DNAH14: variants seen among roughly 807,000 people sequenced by gnomAD.
The protein encoded by DNAH14 is dynein axonemal heavy chain 14.
DNAH14 carries 478 observed loss-of-function variants against 520.9 expected under a neutral mutation model. The ratio of observed to expected loss-of-function variants is 0.92; its 90% confidence interval spans 0.85 to 0.99. DNAH14 has a LOEUF of 0.99. DNAH14 is among the 50% of genes least tolerant of loss of function. DNAH14 has a pLI of 0.00. For missense variants in DNAH14, 4,831 were observed against 5,234.5 expected, an observed-to-expected ratio of 0.92 and a Z score of 2.38; for synonymous variants, 1,581 against 1,757.2, an observed-to-expected ratio of 0.90 and a Z score of 2.51.
intron 55 of DNAH14, among the ~76,000 whole-genome samples, chr1:225,290,312 G>A (rs1297501698): frequency 6.6e-6 from 1 of 151,626 alleles, no homozygotes; most frequent in Non-Finnish European, 1.5e-5. Context: ...TTTCAATAAA[G>A]GTATTTTCTA....
chr1:225,360,399 AACAACACTGGGGT>A (rs540021703), intron 74 of DNAH14, among the ~76,000 whole-genome samples: 127 of 152,338 alleles, frequency 8.3e-4, no homozygotes, highest in African/African-American at 2.9e-3. Flanking sequence ...AGCCATCTCG[AACAACACTGGGGT>A]ACAGCTACAG....
At chr1:225,368,157 G>A (rs1003177827) in intron 77 of DNAH14, 125 bp downstream of exon 77, 3 of 783,428 alleles carry the variant, frequency 3.8e-6, no homozygotes, top group Non-Finnish European at 5.9e-6. Context: ...TCTATAACTA[G>A]GCAATAAGGG....
intron 27 of DNAH14, among the ~76,000 whole-genome samples, chr1:225,129,662 T>C (rs2078167421): frequency 6.6e-6 from 1 of 151,788 alleles, no homozygotes; most frequent in Admixed American, 6.6e-5. Flanking sequence ...TATACAAAAA[T>C]TAATTCAAGA....
chr1:225,153,972 A>G (rs990497680), intron 34 of DNAH14, 146 bp downstream of exon 34: 6 of 526,266 alleles, frequency 1.1e-5, no homozygotes, highest in Non-Finnish European at 1.9e-5. Context: ...ATTTAAGAAT[A>G]TGAAAGAAGA....
At chr1:225,079,914 C>G (rs145469043) in intron 18 of DNAH14, among the ~76,000 whole-genome samples, 1 of 152,046 alleles carries the variant, frequency 6.6e-6, no homozygotes, top group African/African-American at 2.4e-5. Flanking sequence ...ACCTCGTGAT[C>G]CACTCGCCTC....
In DNAH14 at chr1:225,117,658, A is replaced by G. The variant is rs1008109371; in HGVS notation, c.3868-26A>G. ...TATCATAATTAAGCATATATTCTGA[A>G]TTGCATTTCTTTTGATTCTGGACAG... On this transcript the variant is annotated intron_variant, in intron 23 of 85. Coordinates refer to ENST00000682510, the MANE Select transcript of DNAH14 (RefSeq NM_001367479.1). 11 of 1,381,236 alleles carry G rather than the reference A, an allele frequency of 8.0e-6. No homozygotes were observed. The African/African-American group carries it at 1.6e-4, about 20-fold the overall frequency. The allele number at this position is 1,381,236 out of a possible 1,614,324, so 85.6% of individuals were successfully genotyped here. A position where few individuals can be genotyped will look rare whatever the true frequency, so the allele number is the denominator to read the frequency against.
chr1:225,300,538 G>T (rs566017821), intron 55 of DNAH14, among the ~76,000 whole-genome samples: 1 of 152,124 alleles, frequency 6.6e-6, no homozygotes, highest in African/African-American at 2.4e-5. Context: ...GTCACTACAA[G>T]AATATTTTAA....
chr1:224,971,047 CAG>C (rs778205701), intron 7 of DNAH14, among the ~76,000 whole-genome samples: 3 of 151,984 alleles, frequency 2.0e-5, no homozygotes, highest in South Asian at 2.1e-4. Context: ...GAAAATAAAA[CAG>C]AGTAAGGGAG....
chr1:225,073,685 T>A (rs2071839572), intron 17 of DNAH14, among the ~76,000 whole-genome samples: 2 of 151,984 alleles, frequency 1.3e-5, no homozygotes, highest in African/African-American at 2.4e-5. Flanking sequence ...TTGTTTGTTT[T>A]TGTTTTTGTT....
chr1:224,946,137 C>T (rs2059810424), intron 1 of DNAH14, among the ~76,000 whole-genome samples: 2 of 152,188 alleles, frequency 1.3e-5, no homozygotes, highest in Admixed American at 1.3e-4. Flanking sequence ...GTGGTGGGCT[C>T]CACCTAGTGG....
At chr1:225,070,806 TTTC>T (rs2071463390) in intron 17 of DNAH14, among the ~76,000 whole-genome samples, 2 of 152,192 alleles carry the variant, frequency 1.3e-5, no homozygotes, top group Admixed American at 6.5e-5. Context: ...GGTGTTAAAG[TTTC>T]CCACTATTAT....
intron 41 of DNAH14, among the ~76,000 whole-genome samples, chr1:225,226,677 G>C (rs930115068): frequency 2.0e-5 from 3 of 152,194 alleles, no homozygotes; most frequent in Non-Finnish European, 4.4e-5. Flanking sequence ...AAAGAAATAA[G>C]ACAGAGACAA....
At chr1:225,324,146 T>G (rs1275956422) in intron 62 of DNAH14, 76 bp from the exon 63 acceptor site, 5 of 1,491,342 alleles carry the variant, frequency 3.4e-6, no homozygotes, top group Non-Finnish European at 4.5e-6. Context: ...AAAATTTCAA[T>G]CTAGTGTAGA....
intron 34 of DNAH14, among the ~76,000 whole-genome samples, chr1:225,156,432 G>T (rs1459301064): frequency 6.6e-6 from 1 of 152,138 alleles, no homozygotes; most frequent in Non-Finnish European, 1.5e-5. Context: ...GCTTCTGGTG[G>T]TTGCCTGCAT....
At chr1:225,357,113 A>C (rs189007455) in intron 73 of DNAH14, among the ~76,000 whole-genome samples, 1 of 152,296 alleles carries the variant, frequency 6.6e-6, no homozygotes, top group East Asian at 1.9e-4. Flanking sequence ...GAGTTCCATG[A>C]AGGCAAGGAC....
At chr1:225,285,712 C>T (rs2093724436) in intron 54 of DNAH14, among the ~76,000 whole-genome samples, 3 of 151,910 alleles carry the variant, frequency 2.0e-5, no homozygotes. Flanking sequence ...AAAAATTTAG[C>T]CAGGTATGGT....
chr1:225,193,696 C>G (rs2085743634), intron 38 of DNAH14, among the ~76,000 whole-genome samples: 1 of 152,048 alleles, frequency 6.6e-6, no homozygotes. Flanking sequence ...CAATTCCTAG[C>G]CAGAGCAATC....
chr1:224,933,136 A>C (rs554275326), intron 1 of DNAH14, among the ~76,000 whole-genome samples: 16 of 152,118 alleles, frequency 1.1e-4, no homozygotes, highest in African/African-American at 3.6e-4. Context: ...CTATGTAGAG[A>C]TCTTTTACCT....
chr1:225,388,873 T>A (rs2095872093), intron 82 of DNAH14, among the ~76,000 whole-genome samples: 1 of 151,976 alleles, frequency 6.6e-6, no homozygotes. Flanking sequence ...ACCTTCTGGG[T>A]TCAAGCAATT....
Sources: allele counts gnomAD v4.1 joint callset (sites outside exome capture counted in the v4.1 genomes callset), GRCh38; gene constraint gnomAD v4.1.1; transcripts MANE v1.5; gene names NCBI Gene and HGNC (gene_info 2026-07-23, HGNC 2026-07-21).